The following DSE variants were observed in gnomAD, a reference collection of about 807,000 sequenced individuals.
DSE encodes the protein dermatan sulfate epimerase.
DSE carries 36 observed loss-of-function variants against 84.4 expected under a neutral mutation model. The observed-to-expected ratio is 0.43, with a 90% CI of 0.33 to 0.56. The LOEUF is 0.56. Ranked by LOEUF, DSE falls within the 20% of genes least tolerant of loss-of-function variation. The pLI is 0.06. For synonymous variants in DSE, 410 were observed against 430.1 expected, an observed-to-expected ratio of 0.95 and a Z score of 0.58; for missense variants, 862 against 1,169.6, an observed-to-expected ratio of 0.74 and a Z score of 3.84.
rs755654826 is a variant in DSE at position 116,279,879 on chromosome 6, G to A, written c.-54+20912G>A. Reference sequence around the variant, plus strand: ...CAGGCGAACGCCCGTTTTCCTCAGAGGCCGAACTGGGAGCTAACCGCCGCT... The same window carrying A: ...CAGGCGAACGCCCGTTTTCCTCAGAAGCCGAACTGGGAGCTAACCGCCGCT... On this transcript the variant is annotated intron_variant, in intron 2 of 3. Transcript: ENST00000430252. 4.3e-6 allele frequency: 7 copies of A among 1,612,564 alleles called. No individual in the cohort carries two copies. The African/African-American group carries it at 5.3e-5, about 12-fold the overall frequency.
intron 2 of DSE, among the ~76,000 whole-genome samples, chr6:116,270,600 G>A (rs1772837335): frequency 1.3e-5 from 2 of 152,014 alleles, no homozygotes; most frequent in South Asian, 4.2e-4. Flanking sequence ...ATTTAATTCA[G>A]GCAGTAGATA....
At position 116,435,767 on chromosome 6, in the gene DSE, A is replaced by G; in HGVS notation, c.1299A>G (p.Arg433=). The G allele has an allele frequency of 6.2e-7, 1 of 1,614,150 alleles. No homozygotes were observed. Among genetic ancestry groups the G allele is most frequent in the South Asian group, 1.1e-5 (1 of 91,080 alleles). The change falls in exon 6 of 6, where the codon AGA becomes AGG. Residue 433 remains arginine (R), a synonymous_variant. Coordinates refer to ENST00000644252, the MANE Select transcript of DSE (RefSeq NM_013352.4). The part of the protein sequence containing the change: ...GGRAIYDIVH[R]NKYKDWIKGW... ...GTGCAATATATGACATTGTCCACAG[A>G]AACAAATACAAAGATTGGATCAAAG...
chr6:116,422,594 T>C (rs1351916633), intron 2 of DSE, among the ~76,000 whole-genome samples: 2 of 152,228 alleles, frequency 1.3e-5, no homozygotes, highest in Non-Finnish European at 2.9e-5. Context: ...AGATGTATAC[T>C]CAAAGAGTTG....
In DSE at chr6:116,399,319, C is replaced by T. The variant is rs186792234; in HGVS notation, c.69C>T (p.Tyr23=). ...FIYLLCFVSA[Y]ITDENPEVMI... is the part of the protein sequence containing the mutation. ...ATTTGCTTTGCTTTGTGTCAGCCTA[C>T]ATCACCGACGAGAACCCAGAAGTTA... Residue 23 remains tyrosine, a synonymous_variant, in exon 2 of 6, where the codon TAC becomes TAT. Coordinates refer to ENST00000644252, the MANE Select transcript of DSE (RefSeq NM_013352.4). The T allele has an allele frequency of 1.2e-5, 20 of 1,614,102 alleles. No homozygotes were observed. The African/African-American group carries it at 2.3e-4, about 18-fold the overall frequency.
chr6:116,398,350 G>A (rs1426532326), intron 1 of DSE, among the ~76,000 whole-genome samples: 1 of 152,174 alleles, frequency 6.6e-6, no homozygotes, highest in Non-Finnish European at 1.5e-5. Context: ...AAATCAAGTA[G>A]TTAAGAAAAT....
chr6:116,254,314 T>G, intron 1 of DSE: 1 of 607,320 alleles, frequency 1.6e-6, no homozygotes, highest in Non-Finnish European at 3.1e-6. Context: ...TGTGTTAATG[T>G]GGATTTCTAA....
At chr6:116,304,424 A>G (rs1011655790) in intron 2 of DSE, among the ~76,000 whole-genome samples, 1 of 152,198 alleles carries the variant, frequency 6.6e-6, no homozygotes, top group Non-Finnish European at 1.5e-5. Context: ...TACCGTGAAT[A>G]AACTACCATC....
At chr6:116,364,691 A>G (rs182636786) in intron 2 of DSE, among the ~76,000 whole-genome samples, 2,433 of 152,362 alleles carry the variant, frequency 0.016, 26 homozygotes, top group Non-Finnish European at 0.024. Flanking sequence ...ATTTAGAAAG[A>G]AATACATTAG....
intron 2 of DSE, among the ~76,000 whole-genome samples, chr6:116,300,690 C>T (rs555021338): frequency 2.0e-5 from 3 of 152,314 alleles, no homozygotes; most frequent in South Asian, 2.1e-4. Context: ...GTCCTTCCCC[C>T]CTTTCTTTCA....
intron 2 of DSE, among the ~76,000 whole-genome samples, chr6:116,291,590 TTA>T (rs959565873): frequency 1.3e-5 from 2 of 150,946 alleles, no homozygotes; most frequent in Admixed American, 6.6e-5. Context: ...TTAAATATAA[TTA>T]TATATATACA....
chr6:116,271,156 T>G (rs1334438553), intron 2 of DSE, among the ~76,000 whole-genome samples: 3 of 152,240 alleles, frequency 2.0e-5, no homozygotes, highest in Non-Finnish European at 4.4e-5. Flanking sequence ...TTAAGGAAAC[T>G]GAATCAACTG....
At chr6:116,278,826 C>G (rs764201447) in intron 2 of DSE, 7 of 1,614,016 alleles carry the variant, frequency 4.3e-6, no homozygotes, top group Non-Finnish European at 5.9e-6. Context: ...CCTTGACAAT[C>G]AGCTTGTTTC....
upstream of DSE, chr6:116,369,959 C>A: frequency 7.8e-7 from 1 of 1,288,794 alleles, no homozygotes; most frequent in South Asian, 1.2e-5. Context: ...CACTTCTGTA[C>A]AATCTAGGTC....
intron 2 of DSE, among the ~76,000 whole-genome samples, chr6:116,289,481 C>G (rs1208413589): frequency 6.6e-6 from 1 of 151,890 alleles, no homozygotes; most frequent in Non-Finnish European, 1.5e-5. Context: ...AGATCTGCAG[C>G]TAAAACCCTT....
intron 4 of DSE, chr6:116,432,448 C>T: frequency 6.6e-6 from 1 of 152,138 alleles, no homozygotes; most frequent in East Asian, 1.9e-4. Context: ...AATTCACAGA[C>T]TAGTAGAAGA....
chr6:116,357,472 CA>C (rs1778645119), intron 2 of DSE, among the ~76,000 whole-genome samples: 1 of 151,106 alleles, frequency 6.6e-6, no homozygotes, highest in African/African-American at 2.4e-5. Context: ...GCAGAGCTTG[CA>C]GTGAGCCGAC....
chr6:116,279,552 C>A, intron 2 of DSE: 10 of 1,603,910 alleles, frequency 6.2e-6, no homozygotes, highest in Non-Finnish European at 8.5e-6. Flanking sequence ...CGGCTTTGAT[C>A]GCCACATGAC....
At chr6:116,385,093 G>A (rs9488918) in intron 1 of DSE, among the ~76,000 whole-genome samples, 9,508 of 152,234 alleles carry the variant, frequency 0.062, 1,034 homozygotes, top group African/African-American at 0.22. Flanking sequence ...GGGAACAAAT[G>A]TGCAGGCGCT....
chr6:116,335,462 A>C (rs1225786216), intron 2 of DSE, among the ~76,000 whole-genome samples: 1 of 152,178 alleles, frequency 6.6e-6, no homozygotes, highest in Non-Finnish European at 1.5e-5. Context: ...AAATCTGTAC[A>C]ACAAACCCCC....
Sources: allele counts gnomAD v4.1 joint callset (sites outside exome capture counted in the v4.1 genomes callset), GRCh38; gene constraint gnomAD v4.1.1; transcripts MANE v1.5; gene names NCBI Gene and HGNC (gene_info 2026-07-23, HGNC 2026-07-21).